Variants in DPY19L2 observed in about 807,000 individuals in gnomAD.
The protein encoded by DPY19L2 is probable C-mannosyltransferase DPY19L2.
A neutral mutation model predicts 97.9 loss-of-function variants in DPY19L2; 34 were observed. That is an observed-to-expected ratio of 0.35 (90% CI 0.26 to 0.46). DPY19L2 has a LOEUF of 0.46. Ranked by LOEUF, DPY19L2 falls within the 20% of genes least tolerant of loss-of-function variation. The probability of loss-of-function intolerance (pLI) is 1.00; values close to 1 mark genes in which losing one functional copy is unlikely to be tolerated. For missense variants in DPY19L2, 623 were observed against 911.4 expected, an observed-to-expected ratio of 0.68 and a Z score of 4.07; for synonymous variants, 230 against 307.9, an observed-to-expected ratio of 0.75 and a Z score of 2.65.
At chr12:63,605,228 C>G (rs1181802082) in intron 12 of DPY19L2, among the ~76,000 whole-genome samples, 3 of 152,028 alleles carry the variant, frequency 2.0e-5, no homozygotes, top group African/African-American at 7.2e-5. Flanking sequence ...GCTAGGAGGT[C>G]GGTAAGGAGC....
intron 1 of DPY19L2, 64 bp from the exon 2 acceptor site, chr12:63,665,923 A>C (rs1258013629): frequency 9.0e-6 from 12 of 1,331,986 alleles, no homozygotes; most frequent in African/African-American, 1.5e-5. Flanking sequence ...CATTAAAACA[A>C]GTATTTCAAA....
At chr12:63,583,188 T>C (rs1201584656) in intron 17 of DPY19L2, among the ~76,000 whole-genome samples, 1 of 152,164 alleles carries the variant, frequency 6.6e-6, no homozygotes, top group African/African-American at 2.4e-5. Context: ...ACTCAACATG[T>C]GTCATAAACT....
At chr12:63,661,320 T>C (rs778157545) in intron 4 of DPY19L2, 24 bp downstream of exon 4, 11 of 1,551,228 alleles carry the variant, frequency 7.1e-6, no homozygotes, top group South Asian at 1.2e-5. Context: ...CTACAAATAT[T>C]ATTTGTCTCA....
At chr12:63,617,446 A>G (rs567040326) in intron 10 of DPY19L2, 56 bp from the exon 11 acceptor site, 47 of 1,268,836 alleles carry the variant, frequency 3.7e-5, no homozygotes, top group Non-Finnish European at 4.7e-5. Flanking sequence ...GGCATAATGC[A>G]TATTTTGTAG....
chr12:63,581,138 A>T (rs1454747862), intron 18 of DPY19L2, among the ~76,000 whole-genome samples: 1 of 152,186 alleles, frequency 6.6e-6, no homozygotes, highest in Admixed American at 6.5e-5. Flanking sequence ...AACATCTTAG[A>T]ACTAAATCCT....
At chr12:63,606,898 A>C (rs1886131293) in intron 12 of DPY19L2, among the ~76,000 whole-genome samples, 1 of 152,150 alleles carries the variant, frequency 6.6e-6, no homozygotes, top group Admixed American at 6.5e-5. Context: ...GTCTCCCATT[A>C]AACAGTGAAC....
intron 9 of DPY19L2, among the ~76,000 whole-genome samples, chr12:63,618,457 T>C (rs1888182027): frequency 6.6e-6 from 1 of 152,044 alleles, no homozygotes; most frequent in Admixed American, 6.6e-5. Context: ...ACAAAGCAAA[T>C]GCAGAATTAA....
chr12:63,611,875 T>G (rs1887063899), intron 11 of DPY19L2, among the ~76,000 whole-genome samples: 1 of 151,922 alleles, frequency 6.6e-6, no homozygotes, highest in Non-Finnish European at 1.5e-5. Flanking sequence ...ATGACCAAAA[T>G]TTTTCCAAAT....
chr12:63,630,464 CAAAT>C (rs905239138), intron 6 of DPY19L2, among the ~76,000 whole-genome samples: 38 of 152,172 alleles, frequency 2.5e-4, no homozygotes, highest in African/African-American at 8.9e-4. Context: ...TCAAAAAAGA[CAAAT>C]AAGGTAATTA....
intron 21 of DPY19L2, among the ~76,000 whole-genome samples, chr12:63,568,187 T>C (rs539264140): frequency 6.6e-6 from 1 of 152,194 alleles, no homozygotes; most frequent in South Asian, 2.1e-4. Context: ...GCTCCTGTTC[T>C]TTTGATTAAC....
At position 63,658,850 on chromosome 12, in the gene DPY19L2, C is replaced by T. The variant is rs183747892; in HGVS notation, c.588+2494G>A. Among the ~76,000 whole-genome samples, 106 of 152,210 alleles carry T rather than the reference C, an allele frequency of 7.0e-4. 3 individuals carry two copies. The East Asian group carries it at 0.016, about 23-fold the overall frequency. On this transcript the variant is annotated intron_variant, in intron 4 of 21. Coordinates refer to ENST00000324472, the MANE Select transcript of DPY19L2 (RefSeq NM_173812.5). Reference sequence around the variant, plus strand: ...AAAATTCTAGAAAATGCAAACTAAACCATAATGACAAAAAGAATATTAGTG... The same window carrying T: ...AAAATTCTAGAAAATGCAAACTAAATCATAATGACAAAAAGAATATTAGTG...
At chr12:63,629,061 T>C (rs1329280215) in intron 6 of DPY19L2, among the ~76,000 whole-genome samples, 2 of 151,978 alleles carry the variant, frequency 1.3e-5, no homozygotes, top group African/African-American at 4.8e-5. Context: ...CAAAACCCCA[T>C]CTGTACGTCA....
At chr12:63,580,384 T>G (rs1194338571) in intron 19 of DPY19L2, among the ~76,000 whole-genome samples, 1 of 152,172 alleles carries the variant, frequency 6.6e-6, no homozygotes, top group Non-Finnish European at 1.5e-5. Flanking sequence ...TTAAAGGACA[T>G]AACTTATGAA....
At chr12:63,622,812 G>A (rs1888898627) in intron 8 of DPY19L2, among the ~76,000 whole-genome samples, 1 of 152,108 alleles carries the variant, frequency 6.6e-6, no homozygotes, top group Non-Finnish European at 1.5e-5. Flanking sequence ...TGTAATCCCA[G>A]CTACTTGGGA....
Position 63,609,558 on chromosome 12 carries a change from A to G in DPY19L2, c.1219-883T>C, listed in dbSNP as rs138952703. On this transcript the variant is annotated intron_variant, in intron 11 of 21. Transcript: ENST00000324472. ...AAAAGGCTTCTGTCTGCAAACCACA[A>G]AAAGGGCTTTCACCAAGAACCAAAT... Among the ~76,000 whole-genome samples, 129 of 152,212 alleles carry G rather than the reference A, an allele frequency of 8.5e-4. 1 individual carries two copies. Among genetic ancestry groups the G allele is most frequent in the African/African-American group, 3.0e-3 (125 of 41,540 alleles).
At chr12:63,576,003 C>T (rs764510201) in intron 19 of DPY19L2, among the ~76,000 whole-genome samples, 20 of 151,924 alleles carry the variant, frequency 1.3e-4, no homozygotes, top group Non-Finnish European at 2.4e-4. Context: ...AAGAAAACTA[C>T]GGGCCAAAAT....
intron 19 of DPY19L2, among the ~76,000 whole-genome samples, chr12:63,578,884 T>G (rs544524866): frequency 7.2e-5 from 11 of 152,092 alleles, no homozygotes; most frequent in Non-Finnish European, 1.3e-4. Flanking sequence ...GGAGATGCTG[T>G]TGGCATCTTG....
chr12:63,661,937 A>G lies in DPY19L2; in HGVS notation c.451-456T>C, dbSNP rs185071798. On this transcript the variant is annotated intron_variant, in intron 3 of 21. Coordinates refer to ENST00000324472, the MANE Select transcript of DPY19L2 (RefSeq NM_173812.5). Reference sequence around the variant, plus strand: ...TCTTAGGAAATAAAATATAATGACCATAAGCATCATGAGCAAGGAATCCAG... The same window carrying G: ...TCTTAGGAAATAAAATATAATGACCGTAAGCATCATGAGCAAGGAATCCAG... 3.7e-3 allele frequency among the ~76,000 whole-genome samples: 559 copies of G among 152,276 alleles called. 6 individuals carry two copies. The highest frequency in any genetic ancestry group is 5.6e-3 in the Admixed American group (86 of 15,304).
intron 16 of DPY19L2, among the ~76,000 whole-genome samples, chr12:63,588,943 C>A (rs1383219615): frequency 6.6e-6 from 1 of 151,666 alleles, no homozygotes; most frequent in South Asian, 2.1e-4. Context: ...TTAGTAGAGA[C>A]GGGGTTTCAC....
Sources: gnomAD v4.1 joint callset for allele counts (sites outside exome capture counted in the v4.1 genomes callset) on GRCh38, gnomAD v4.1.1 for gene constraint, MANE v1.5 for transcripts, NCBI Gene and HGNC (gene_info 2026-07-23, HGNC 2026-07-21) for gene names.